Variants in TRPA1 observed in about 807,000 individuals in gnomAD.
The protein encoded by TRPA1 is ankyrin-like with transmembrane domains 1.
A neutral mutation model predicts 131.3 loss-of-function variants in TRPA1; 129 were observed. The observed-to-expected ratio is 0.98, with a 90% CI of 0.85 to 1.14. TRPA1 has a LOEUF of 1.14. Ranked by LOEUF, TRPA1 falls within the 50% of genes most tolerant of loss-of-function variation. The probability of loss-of-function intolerance (pLI) is 0.00; values close to 1 mark genes in which losing one functional copy is unlikely to be tolerated. For synonymous variants in TRPA1, 441 were observed against 451.7 expected (o/e 0.98, Z 0.30); for missense variants, 1,304 against 1,354.2 (o/e 0.96, Z 0.58).
intron 21 of TRPA1, 76 bp downstream of exon 21, chr8:72,036,212 T>G: frequency 6.8e-7 from 1 of 1,478,502 alleles, no homozygotes; most frequent in South Asian, 1.2e-5. Flanking sequence ...GTTTTAAATT[T>G]ACACCAGGTA....
intron 1 of TRPA1, among the ~76,000 whole-genome samples, chr8:72,074,668 C>G (rs1482416702): frequency 6.6e-6 from 1 of 152,154 alleles, no homozygotes; most frequent in Non-Finnish European, 1.5e-5. Flanking sequence ...GGTCCGATAA[C>G]TGCATAAGTA....
intron 13 of TRPA1, chr8:72,053,444 C>T: frequency 2.5e-6 from 1 of 405,618 alleles, no homozygotes; most frequent in Non-Finnish European, 4.6e-6. Context: ...TTAATGAAAA[C>T]TCACCCCTGC....
chr8:72,068,518 A>G (rs1354129440), intron 3 of TRPA1, among the ~76,000 whole-genome samples: 2 of 152,242 alleles, frequency 1.3e-5, no homozygotes, highest in Non-Finnish European at 1.5e-5. Context: ...TAACAAAAAT[A>G]GAGAATCATA....
chr8:72,041,935 G>A (rs1329422028), intron 17 of TRPA1, among the ~76,000 whole-genome samples: 2 of 151,674 alleles, frequency 1.3e-5, no homozygotes, highest in African/African-American at 4.8e-5. Flanking sequence ...TTGGTTTTTT[G>A]AAAAGATAAA....
At chr8:72,086,672 CTT>C in the TRPA1 span, among the ~76,000 whole-genome samples, 1 of 152,118 alleles carries the variant, frequency 6.6e-6, no homozygotes, top group African/African-American at 2.4e-5. Flanking sequence ...TCTCTAAACT[CTT>C]TTAGAATTTT....
chr8:72,061,854 T>G, intron 6 of TRPA1, 93 bp from the exon 7 acceptor site: 2 of 1,347,936 alleles, frequency 1.5e-6, no homozygotes. Flanking sequence ...CCCAGGTTCA[T>G]AAAATCAAGG....
In TRPA1 at chr8:72,057,800, T is replaced by C. The variant is rs540433027; in HGVS notation, c.1010A>G (p.Lys337Arg). 4.3e-6 allele frequency: 7 copies of C among 1,613,400 alleles called. No homozygotes were observed. Among genetic ancestry groups the C allele is most frequent in the Non-Finnish European group, 5.9e-6 (7 of 1,179,416 alleles). Residue 337 changes from lysine (K) to arginine (R), a missense_variant, in exon 9 of 27, where the codon AAG (lysine) becomes AGG (arginine). Lys to Arg is a conservative substitution (Grantham distance 26, BLOSUM62 2). Transcript: ENST00000262209. ...TGGAGAGCGTCCTTCAGAATCGATCTTATTAATATCTGCTCCCTAAAAATC... is the reference window on the plus strand; with the variant it reads ...TGGAGAGCGTCCTTCAGAATCGATCCTATTAATATCTGCTCCCTAAAAATC... The part of the protein sequence containing the change: ...YLISVGADIN[K>R]IDSEGRSPLI...
At chr8:72,033,949 G>A (rs1234956355) in intron 22 of TRPA1, 123 bp from the exon 23 acceptor site, 1 of 929,644 alleles carries the variant, frequency 1.1e-6, no homozygotes, top group Non-Finnish European at 1.7e-6. Flanking sequence ...GCATATAGCT[G>A]TTGAAATGCA....
At chr8:72,078,546 A>T (rs1361996894), upstream of TRPA1, among the ~76,000 whole-genome samples, 8 of 152,112 alleles carry the variant, frequency 5.3e-5, no homozygotes, top group Non-Finnish European at 1.2e-4. Context: ...GCTTAGTATA[A>T]TACACTTGAG....
At chr8:72,089,275 A>G in the TRPA1 span, among the ~76,000 whole-genome samples, 33 of 152,264 alleles carry the variant, frequency 2.2e-4, no homozygotes, top group African/African-American at 7.9e-4. Flanking sequence ...AATACTTTAT[A>G]GGATTTGGAA....
upstream of TRPA1, chr8:72,075,681 C>A: frequency 2.0e-6 from 1 of 496,494 alleles, no homozygotes; most frequent in South Asian, 2.0e-5. Context: ...AAGAGGGCGG[C>A]GGCGCCGCGT....
chr8:72,071,752 A>G lies in TRPA1; in HGVS notation c.227T>C (p.Ile76Thr), dbSNP rs941469407. The G allele has an allele frequency of 1.2e-6, 2 of 1,613,702 alleles. No individual in the cohort carries two copies. The highest frequency in any genetic ancestry group is 2.2e-5 in the East Asian group (1 of 44,838). Residue 76 changes from isoleucine to threonine, a missense_variant, in exon 2 of 27, where the codon ATT becomes ACT. Ile to Thr is a moderately conservative substitution (Grantham distance 89). Transcript: ENST00000262209. The part of the protein sequence containing the change: ...FLHYAAAEGQ[I>T]ELMEKITRDS... ...TCTGGTGATCTTCTCCATTAGCTCA[A>G]TTTGGCCTTCTGCTGCAGCATAATG...
At chr8:72,064,604 T>C (rs1204101300) in intron 4 of TRPA1, among the ~76,000 whole-genome samples, 2 of 152,176 alleles carry the variant, frequency 1.3e-5, no homozygotes, top group Non-Finnish European at 2.9e-5. Context: ...TAAGTCCATC[T>C]AGTAAAGGTG....
At chr8:72,078,390 C>T (rs1806228883), upstream of TRPA1, among the ~76,000 whole-genome samples, 3 of 152,110 alleles carry the variant, frequency 2.0e-5, no homozygotes, top group South Asian at 6.2e-4. Context: ...GACCCAGATG[C>T]AGTAAATCCC....
chr8:72,088,577 G>C, the TRPA1 span, among the ~76,000 whole-genome samples: 1 of 152,112 alleles, frequency 6.6e-6, no homozygotes, highest in South Asian at 2.1e-4. Context: ...AAAGTATTGG[G>C]TCAGGGAGGA....
upstream of TRPA1, among the ~76,000 whole-genome samples, chr8:72,079,035 C>T (rs1184018162): frequency 6.6e-6 from 1 of 151,956 alleles, no homozygotes; most frequent in Non-Finnish European, 1.5e-5. Flanking sequence ...TTATTATTCA[C>T]TCATATATTT....
At chr8:72,042,372 C>T (rs1000921819) in intron 17 of TRPA1, among the ~76,000 whole-genome samples, 3 of 151,884 alleles carry the variant, frequency 2.0e-5, no homozygotes, top group East Asian at 1.9e-4. Flanking sequence ...GATACCACTT[C>T]GCATCCGTTA....
chr8:72,022,996 C>T lies in TRPA1; in HGVS notation c.3270G>A (p.Arg1090=), dbSNP rs758231351. 11 of 1,613,758 alleles carry T rather than the reference C, an allele frequency of 6.8e-6. No homozygotes were observed. In the African/African-American group the frequency reaches 1.3e-4, roughly 20 times the overall value. ...TTTGTTCCATCTGCTCTTTCTTAAA[C>T]CTGTCTTGAAAAGAACAATGGCTAT... ...DDDSHCSFQD[R]FKKEQMEQRN... is the part of the protein sequence containing the mutation. Residue 1090 remains arginine (R), a synonymous_variant, in exon 27 of 27, where the codon AGG becomes AGA. Transcript: ENST00000262209.
intron 1 of TRPA1, among the ~76,000 whole-genome samples, chr8:72,074,297 A>T (rs1340007124): frequency 6.6e-6 from 1 of 152,238 alleles, no homozygotes; most frequent in African/African-American, 2.4e-5. Flanking sequence ...TGGTAAAAAG[A>T]GTGAGGTAAA....
Sources: gnomAD v4.1 joint callset for allele counts (sites outside exome capture counted in the v4.1 genomes callset) on GRCh38, gnomAD v4.1.1 for gene constraint, MANE v1.5 for transcripts, NCBI Gene and HGNC (gene_info 2026-07-23, HGNC 2026-07-21) for gene names.